LATS1: variants seen among roughly 807,000 people sequenced by gnomAD.
LATS1 encodes serine/threonine-protein kinase LATS1.
A neutral mutation model predicts 106.6 loss-of-function variants in LATS1; 25 were observed. That is an observed-to-expected ratio of 0.23 (90% CI 0.17 to 0.33). The LOEUF (loss-of-function observed/expected upper bound fraction) is 0.33, where lower values mean the gene tolerates loss of function less well. Ranked by LOEUF, LATS1 falls within the 10% of genes least tolerant of loss-of-function variation. The pLI is 1.00. For missense variants in LATS1, 1,040 were observed against 1,382.6 expected, an observed-to-expected ratio of 0.75 and a Z score of 3.93; for synonymous variants, 465 against 455.6, an observed-to-expected ratio of 1.02 and a Z score of -0.26.
rs1783483672 is a variant in LATS1, at chr6:149,701,899, T to C, written c.228A>G (p.Lys76=). ...RNPPKFGTHH[K]ALQEIRNSLL... is the part of the protein sequence containing the mutation. ...GAGAGTTTCGAATTTCCTGCAAGGC[T>C]TTATGATGCGTCCCAAATTTGGGTG... is the stretch of plus-strand genomic sequence containing the variant. The change falls in exon 2 of 8, where the codon AAA becomes AAG. Residue 76 remains lysine, a synonymous_variant. Transcript: ENST00000543571. 1 of 1,614,208 alleles carries C rather than the reference T, an allele frequency of 6.2e-7. No individual in the cohort carries two copies. Among genetic ancestry groups the C allele is most frequent in the Non-Finnish European group, 8.5e-7 (1 of 1,180,026 alleles).
At chr6:149,713,144 T>A (rs1784198952) in intron 1 of LATS1, among the ~76,000 whole-genome samples, 1 of 152,132 alleles carries the variant, frequency 6.6e-6, no homozygotes, top group South Asian at 2.1e-4. Context: ...TGGCCGAGTA[T>A]GATAATGAAA....
intron 7 of LATS1, among the ~76,000 whole-genome samples, chr6:149,673,806 C>T (rs970940737): frequency 6.6e-6 from 1 of 150,974 alleles, no homozygotes; most frequent in Non-Finnish European, 1.5e-5. Flanking sequence ...CTCCATATAG[C>T]TGGGACTACA....
chr6:149,705,441 TG>T (rs1783709432), intron 1 of LATS1, among the ~76,000 whole-genome samples: 1 of 152,172 alleles, frequency 6.6e-6, no homozygotes, highest in Admixed American at 6.5e-5. Context: ...GAATCTTACA[TG>T]TCAGTTCTTT....
chr6:149,685,855 C>A (rs1165020773), intron 3 of LATS1, among the ~76,000 whole-genome samples: 1 of 150,884 alleles, frequency 6.6e-6, no homozygotes, highest in South Asian at 2.1e-4. Flanking sequence ...ATAGAATAGT[C>A]CAGCCACTTA....
intron 7 of LATS1, among the ~76,000 whole-genome samples, chr6:149,670,046 C>T (rs935973214): frequency 2.7e-5 from 4 of 150,874 alleles, no homozygotes; most frequent in Middle Eastern, 3.2e-3. Context: ...GGGGAGGGCA[C>T]CTGTAATCCC....
At chr6:149,697,040 C>T in intron 2 of LATS1, 1 of 713,414 alleles carries the variant, frequency 1.4e-6, no homozygotes, top group Non-Finnish European at 2.2e-6. Context: ...CACTCACTAT[C>T]ATGCAGAAAG....
intron 7 of LATS1, among the ~76,000 whole-genome samples, chr6:149,667,018 G>C (rs979022517): frequency 6.6e-6 from 1 of 151,440 alleles, no homozygotes; most frequent in Non-Finnish European, 1.5e-5. Context: ...CAAAGAAATT[G>C]AAGATATAAA....
Position 149,673,091 on chromosome 6 carries a change from CTTTTCTT to C in LATS1, c.2883+3162_2883+3168del, listed in dbSNP as rs1276838572. Among the ~76,000 whole-genome samples the C allele has an allele frequency of 4.1e-3, 528 of 128,796 alleles. 3 individuals carry two copies. The highest frequency in any genetic ancestry group is 0.015 in the African/African-American group (494 of 33,740). The allele number at this position is 128,796 out of a possible 152,430, so 84.5% of individuals were successfully genotyped here. On this transcript the variant is annotated intron_variant, in intron 7 of 7. Coordinates refer to ENST00000543571, the MANE Select transcript of LATS1 (RefSeq NM_004690.4). Reference sequence around the variant, plus strand: ...ATTTTTTACTTCTTCCTTTTCTTTTCTTTTCTTTTTTTTTTTTTTTTTTGAGATAGGA... The same window carrying C: ...ATTTTTTACTTCTTCCTTTTCTTTTCTTTTTTTTTTTTTTTTGAGATAGGA...
At chr6:149,689,418 CAA>C (rs35702198) in intron 3 of LATS1, among the ~76,000 whole-genome samples, 12 of 132,342 alleles carry the variant, frequency 9.1e-5, no homozygotes, top group African/African-American at 1.1e-4. Context: ...ATGCCTGTCT[CAA>C]AAAAAAAAAA....
At chr6:149,674,942 C>T (rs995519169) in intron 7 of LATS1, among the ~76,000 whole-genome samples, 7 of 151,788 alleles carry the variant, frequency 4.6e-5, no homozygotes, top group African/African-American at 1.7e-4. Context: ...CATGAGCCAT[C>T]ATGTCTGGCC....
In LATS1 at chr6:149,684,522, C is replaced by A. The variant is rs761067486; in HGVS notation, c.567G>T (p.Arg189Ser). ...KGSKESLVPQ[R>S]HGPPLGESVA... is the part of the protein sequence containing the mutation. ...CACTTTCTCCTAGTGGCGGGCCATG[C>A]CTCTGAGGAACTAAGGATTCTTTAG... The change falls in exon 4 of 8, where the codon AGG becomes AGT. Residue 189 changes from arginine to serine, a missense_variant. Around this residue, in one of 7 missense-constraint regions of LATS1, gnomAD observed 624 missense variants for 714.8 expected, o/e 0.87. Transcript: ENST00000543571. 1 of 1,613,928 alleles carries A rather than the reference C, an allele frequency of 6.2e-7. No individual in the cohort carries two copies. The highest frequency in any genetic ancestry group is 1.7e-5 in the Admixed American group (1 of 60,006).
At chr6:149,672,129 G>T (rs1781472749) in intron 7 of LATS1, among the ~76,000 whole-genome samples, 1 of 151,592 alleles carries the variant, frequency 6.6e-6, no homozygotes, top group Non-Finnish European at 1.5e-5. Context: ...CTGACCTCAA[G>T]TGATCCGCCC....
Position 149,683,588 on chromosome 6 carries a change from T to C in LATS1, c.1501A>G (p.Met501Val), listed in dbSNP as rs1411635436. ...TGTAGCTCTGGTTTTAATACACGCA[T>C]ACTTTTCACAGGCTGTTGAATAGGA... ...PAPIQQPVKS[M>V]RVLKPELQTA... The change falls in exon 4 of 8, where the codon ATG becomes GTG. Residue 501 changes from methionine (M) to valine (V), a missense_variant. Physicochemically the swap from Met to Val is conservative, Grantham distance 21 (BLOSUM62 1). Coordinates refer to ENST00000543571, the MANE Select transcript of LATS1 (RefSeq NM_004690.4). 1.9e-6 allele frequency: 3 copies of C among 1,614,242 alleles called. No individual in the cohort carries two copies. The highest frequency in any genetic ancestry group is 3.3e-5 in the Admixed American group (2 of 60,030).
chr6:149,708,610 A>C (rs1242189921), intron 1 of LATS1, among the ~76,000 whole-genome samples: 1 of 152,100 alleles, frequency 6.6e-6, no homozygotes, highest in African/African-American at 2.4e-5. Flanking sequence ...GATGTAACAT[A>C]TCTCAATTCT....
At chr6:149,669,511 A>G (rs1781334905) in intron 7 of LATS1, among the ~76,000 whole-genome samples, 1 of 152,020 alleles carries the variant, frequency 6.6e-6, no homozygotes, top group South Asian at 2.1e-4. Flanking sequence ...TGCAATCCCA[A>G]CATTTTGGGA....
chr6:149,683,437 T>G lies in LATS1; in HGVS notation c.1652A>C (p.Asn551Thr), dbSNP rs1782168271. The change falls in exon 4 of 8, where the codon AAC (asparagine) becomes ACC (threonine). Residue 551 changes from asparagine to threonine, a missense_variant. Coordinates refer to ENST00000543571, the MANE Select transcript of LATS1 (RefSeq NM_004690.4). ...TVMPPVAEAP[N>T]YQGPPPPYPK... ...GTAGGGTGGTGGTGGTCCTTGATAG[T>G]TTGGAGCTTCAGCAACAGGTGGCAT... is the stretch of plus-strand genomic sequence containing the variant. The G allele has an allele frequency of 6.2e-7, 1 of 1,614,170 alleles. No homozygotes were observed. The highest frequency in any genetic ancestry group is 1.3e-5 in the African/African-American group (1 of 75,042).
Position 149,680,152 on chromosome 6 carries a change from G to C in LATS1, c.2316C>G (p.Phe772Leu), listed in dbSNP as rs766443146. The C allele has an allele frequency of 6.2e-7, 1 of 1,613,962 alleles. No homozygotes were observed. The highest frequency in any genetic ancestry group is 8.5e-7 in the Non-Finnish European group (1 of 1,179,894). The change falls in exon 5 of 8, where the codon TTC becomes TTG. Residue 772 changes from phenylalanine (F) to leucine (L), a missense_variant. By Grantham distance (22) the Phe-to-Leu change is conservative (BLOSUM62 0). This residue lies in a region of LATS1 where 167 missense variants were observed against 332.1 expected (regional missense o/e 0.50). Coordinates refer to ENST00000543571, the MANE Select transcript of LATS1 (RefSeq NM_004690.4). ...CAAAGTATAAATTGTCCTTATCTTG[G>C]AATGAATAATATAGACGAACTACCC... ...NEWVVRLYYSFQDKDNLYFVM... is the reference protein window; with the variant it reads ...NEWVVRLYYSLQDKDNLYFVM...
chr6:149,662,247 A>G lies in LATS1; in HGVS notation c.2884-9T>C, dbSNP rs749578860. On this transcript the variant is annotated splice_polypyrimidine_tract_variant and intron_variant, in intron 7 of 7. Transcript: ENST00000543571. Reference sequence around the variant, plus strand: ...GTTTGCCAGTTGATAACCTTTAAAGATTTTTTAAAATTAGGGGGAAGAGAT... The same window carrying G: ...GTTTGCCAGTTGATAACCTTTAAAGGTTTTTTAAAATTAGGGGGAAGAGAT... 5.2e-6 allele frequency: 8 copies of G among 1,551,246 alleles called. No homozygotes were observed. Among genetic ancestry groups the G allele is most frequent in the Non-Finnish European group, 6.9e-6 (8 of 1,154,926 alleles).
chr6:149,672,154 A>G (rs1781474248), intron 7 of LATS1, among the ~76,000 whole-genome samples: 1 of 150,994 alleles, frequency 6.6e-6, no homozygotes, highest in Non-Finnish European at 1.5e-5. Context: ...GACCTCCCAA[A>G]GTGCTGGGAT....
Sources: allele counts gnomAD v4.1 joint callset (sites outside exome capture counted in the v4.1 genomes callset), GRCh38; gene constraint gnomAD v4.1.1; regional missense constraint gnomAD v4.1.1; transcripts MANE v1.5; gene names NCBI Gene and HGNC (gene_info 2026-07-23, HGNC 2026-07-21).